Variants in DCTN1 observed in about 807,000 individuals in gnomAD.
DCTN1 encodes the protein 150 kDa dynein-associated polypeptide.
In DCTN1, 61 loss-of-function variants were observed where a neutral mutation model predicts 161.2. The ratio of observed to expected loss-of-function variants is 0.38; its 90% CI spans 0.31 to 0.47. DCTN1 has a LOEUF of 0.47. Ranked by LOEUF, DCTN1 falls within the 20% of genes least tolerant of loss-of-function variation. The probability of loss-of-function intolerance (pLI) is 0.99; values close to 1 mark genes in which losing one functional copy is unlikely to be tolerated. For synonymous variants in DCTN1, 653 were observed against 632.4 expected, an observed-to-expected ratio of 1.03 and a Z score of -0.49; for missense variants, 1,404 against 1,623.7, an observed-to-expected ratio of 0.86 and a Z score of 2.33.
At position 74,361,738 on chromosome 2, in the gene DCTN1, T is replaced by C. The variant is rs533421931; in HGVS notation, c.3700-102A>G. On this transcript the variant is annotated intron_variant, in intron 31 of 31. Coordinates refer to ENST00000628224, the MANE Select transcript of DCTN1 (RefSeq NM_004082.5). ...CACTGAGACCAAGGCAGCTCCTGGG[T>C]GACTAGGGCTTCTGAGATCCTGGGC... 3.6e-4 allele frequency: 526 copies of C among 1,451,812 alleles called. 5 individuals carry two copies. In the African/African-American group the frequency reaches 4.7e-3, roughly 13 times the overall value. The allele number at this position is 1,451,812 out of a possible 1,614,324, so 89.9% of individuals were successfully genotyped here.
chr2:74,377,828 T>C, intron 2 of DCTN1, 102 bp from the exon 3 acceptor site: 1 of 1,453,320 alleles, frequency 6.9e-7, no homozygotes, highest in Non-Finnish European at 9.7e-7. Context: ...AAACCAAGAG[T>C]ACAGGGCAGC....
intron 29 of DCTN1, 85 bp downstream of exon 29, chr2:74,362,909 G>A: frequency 6.7e-7 from 1 of 1,492,564 alleles, no homozygotes; most frequent in Non-Finnish European, 9.2e-7. Context: ...CTTCTGTGGT[G>A]GGGGAACCAC....
chr2:74,374,584 C>G lies in DCTN1; in HGVS notation c.415-244G>C, dbSNP rs927178151. On this transcript the variant is annotated intron_variant, in intron 5 of 31. Coordinates refer to ENST00000628224, the MANE Select transcript of DCTN1 (RefSeq NM_004082.5). The stretch of plus-strand genomic sequence containing the variant: ...GCTCTGACACAGAGGCCCCCGCAGA[C>G]GTGCAGCTGGATCGCCAGGCTCCGG... The G allele has an allele frequency of 3.1e-6, 4 of 1,299,788 alleles. No homozygotes were observed. The Admixed American group carries it at 8.7e-5, about 28-fold the overall frequency. 80.5% of individuals were successfully genotyped at this position (1,299,788 alleles called of 1,614,324 possible). A position where few individuals can be genotyped will look rare whatever the true frequency, so the allele number is the denominator to read the frequency against.
chr2:74,366,704 A>T, intron 21 of DCTN1, 79 bp downstream of exon 21: 1 of 1,614,030 alleles, frequency 6.2e-7, no homozygotes, highest in Non-Finnish European at 8.5e-7. Flanking sequence ...TTGTCCCCTA[A>T]CCAGATCCAG....
At chr2:74,374,630 G>A in intron 5 of DCTN1, 2 of 1,233,958 alleles carry the variant, frequency 1.6e-6, no homozygotes, top group Non-Finnish European at 2.1e-6. Flanking sequence ...AGCGGTGCCT[G>A]GCCCAGTTCA....
rs185439420 is a variant in DCTN1, at chr2:74,376,859, G to T, written c.394-97C>A. On this transcript the variant is annotated intron_variant, in intron 4 of 31. Transcript: ENST00000628224. ...GCTTACACAGGTTAGACGCGGGTAG[G>T]GGGGAGTCAGGGTGAGATGAGTAGC... 3.6e-5 allele frequency: 39 copies of T among 1,084,748 alleles called. No homozygotes were observed. In the East Asian group the frequency reaches 5.4e-4, roughly 15 times the overall value. The allele number at this position is 1,084,748 out of a possible 1,614,324, so 67.2% of individuals were successfully genotyped here.
At chr2:74,384,415 T>C (rs1315451467), upstream of DCTN1, among the ~76,000 whole-genome samples, 2 of 152,200 alleles carry the variant, frequency 1.3e-5, no homozygotes, top group Non-Finnish European at 2.9e-5. Flanking sequence ...TGGGTTAATG[T>C]TACCCCAGCC....
Position 74,366,305 on chromosome 2 carries a change from A to G in DCTN1, c.2699T>C (p.Met900Thr), listed in dbSNP as rs748563840. 13 of 1,614,134 alleles carry G rather than the reference A, an allele frequency of 8.1e-6. No homozygotes were observed. Among genetic ancestry groups the G allele is most frequent in the Non-Finnish European group, 1.0e-5 (12 of 1,180,030 alleles). ...RQSCNILISTMNKLATAMQEG... is the reference protein window; with the variant it reads ...RQSCNILISTTNKLATAMQEG... ...CTGCATGGCTGTGGCCAGCTTGTTC[A>G]TGGTACTGATGAGGATGTTGCATGA... is the stretch of plus-strand genomic sequence containing the variant. The change falls in exon 23 of 32, where the codon ATG (methionine) becomes ACG (threonine). Residue 900 changes from methionine (M) to threonine (T), a missense_variant. Met to Thr is a moderately conservative substitution (Grantham distance 81). Around this residue, in one of 9 missense-constraint regions of DCTN1, gnomAD observed 475 missense variants for 489.8 expected, o/e 0.97. Transcript: ENST00000628224.
At chr2:74,364,951 T>C in intron 26 of DCTN1, 124 bp downstream of exon 26, 1 of 1,229,236 alleles carries the variant, frequency 8.1e-7, no homozygotes, top group South Asian at 1.2e-5. Context: ...AGTGAAACTG[T>C]GTAAGCATGT....
chr2:74,381,476 C>T (rs1558951230), upstream of DCTN1, among the ~76,000 whole-genome samples: 1 of 152,160 alleles, frequency 6.6e-6, no homozygotes, highest in African/African-American at 2.4e-5. Flanking sequence ...TCAGTCCTGG[C>T]CAGACCCCCT....
chr2:74,362,142 C>A lies in DCTN1; in HGVS notation c.3610-1G>T. ...ATACTGTCTCCTTGAGGACCTCATC[C>A]TAGGGAAGGGGAGAGGAAGACAAGG... On this transcript the variant is annotated splice_acceptor_variant, in intron 30 of 31. Coordinates refer to ENST00000628224, the MANE Select transcript of DCTN1 (RefSeq NM_004082.5). LOFTEE classifies it high-confidence loss of function. 6.2e-7 allele frequency: 1 copy of A among 1,613,550 alleles called. No individual in the cohort carries two copies. The highest frequency in any genetic ancestry group is 8.5e-7 in the Non-Finnish European group (1 of 1,179,634).
chr2:74,372,455 A>G (rs1461638219), intron 7 of DCTN1, among the ~76,000 whole-genome samples: 1 of 152,230 alleles, frequency 6.6e-6, no homozygotes, highest in African/African-American at 2.4e-5. Flanking sequence ...GCCCTGGAGC[A>G]GACAGGCCTG....
chr2:74,383,597 A>C (rs141362545), upstream of DCTN1: 1 of 152,426 alleles, frequency 6.6e-6, no homozygotes, highest in East Asian at 1.9e-4. Context: ...AACATTTGAC[A>C]CAGGGTAAGG....
At chr2:74,377,951 C>T (rs763030287) in intron 2 of DCTN1, 49 bp downstream of exon 2, 13 of 1,610,042 alleles carry the variant, frequency 8.1e-6, no homozygotes, top group Admixed American at 1.7e-5. Context: ...GCTGCACATG[C>T]GACAGACATG....
At position 74,368,198 on chromosome 2, in the gene DCTN1, T is replaced by C. The variant is rs556660542; in HGVS notation, c.1855-67A>G. Reference sequence around the variant, plus strand: ...GATGGAGAACAGAGACTCAGGAATATAGTACTCAGAGCTTAACTATGTGGG... The same window carrying C: ...GATGGAGAACAGAGACTCAGGAATACAGTACTCAGAGCTTAACTATGTGGG... On this transcript the variant is annotated intron_variant, in intron 16 of 31. Coordinates refer to ENST00000628224, the MANE Select transcript of DCTN1 (RefSeq NM_004082.5). 2.6e-6 allele frequency: 4 copies of C among 1,545,290 alleles called. No individual in the cohort carries two copies. In the African/African-American group the frequency reaches 5.5e-5, roughly 21 times the overall value.
rs1222628483 is a variant in DCTN1 at position 74,368,767 on chromosome 2, G to A, written c.1815C>T (p.Cys605=). The change falls in exon 16 of 32, where the codon TGC becomes TGT. Residue 605 remains cysteine, a synonymous_variant. Transcript: ENST00000628224. ...GAGGCATGAGCAACAGCACCAGAAC[G>A]CAGTCATGGTCCCCACCTGGCCGAA... ...SFLRPGGDHD[C]VLVLLLMPRL... is the part of the protein sequence containing the mutation. 3.1e-6 allele frequency: 5 copies of A among 1,614,120 alleles called. No individual in the cohort carries two copies. The highest frequency in any genetic ancestry group is 1.1e-5 in the South Asian group (1 of 91,088).
chr2:74,378,311 A>G, intron 1 of DCTN1, 66 bp from the exon 2 acceptor site: 1 of 1,587,970 alleles, frequency 6.3e-7, no homozygotes, highest in East Asian at 2.2e-5. Flanking sequence ...CTTATGTATA[A>G]GAAATGCCTC....
chr2:74,371,902 T>C (rs1674888385), intron 7 of DCTN1, 174 bp from the exon 8 acceptor site: 4 of 610,516 alleles, frequency 6.6e-6, no homozygotes, highest in Non-Finnish European at 1.2e-5. Context: ...AGGAAAATGA[T>C]ACAGAGAGGC....
chr2:74,368,634 G>A (rs1469300122), intron 16 of DCTN1, 94 bp downstream of exon 16: 2 of 1,556,672 alleles, frequency 1.3e-6, no homozygotes, highest in African/African-American at 1.4e-5. Context: ...CTCTTTGTGG[G>A]CAGAGACTCT....
Sources: gnomAD v4.1 joint callset for allele counts (sites outside exome capture counted in the v4.1 genomes callset) on GRCh38, gnomAD v4.1.1 for gene constraint, gnomAD v4.1.1 regional missense constraint, MANE v1.5 for transcripts, NCBI Gene and HGNC (gene_info 2026-07-23, HGNC 2026-07-21) for gene names.